The following DNAH11 variants were observed in gnomAD, a reference collection of about 807,000 sequenced individuals.
DNAH11 encodes dynein axonemal heavy chain 11.
DNAH11 carries 442 observed loss-of-function variants against 526.0 expected under a neutral mutation model. The ratio of observed to expected loss-of-function variants is 0.84; its 90% CI spans 0.78 to 0.91. The LOEUF (loss-of-function observed/expected upper bound fraction) is 0.91. DNAH11 is among the 40% of genes least tolerant of loss of function. DNAH11 has a pLI of 0.00. For missense variants in DNAH11, 6,989 were observed against 5,448.7 expected (o/e 1.28, Z -8.90); for synonymous variants, 2,461 against 1,935.9 (o/e 1.27, Z -7.12).
chr7:21,887,988 TGACTC>T (rs1185690780), intron 76 of DNAH11, among the ~76,000 whole-genome samples: 1 of 152,062 alleles, frequency 6.6e-6, no homozygotes, highest in Non-Finnish European at 1.5e-5. Flanking sequence ...ACCAAAACAA[TGACTC>T]GTATTTGTAT....
At chr7:21,895,379 C>T (rs908505952) in intron 79 of DNAH11, among the ~76,000 whole-genome samples, 1 of 152,174 alleles carries the variant, frequency 6.6e-6, no homozygotes, top group Non-Finnish European at 1.5e-5. Context: ...TATAACTTTA[C>T]TTTGCAAGCC....
intron 81 of DNAH11, among the ~76,000 whole-genome samples, chr7:21,900,441 C>G (rs1196471792): frequency 9.7e-6 from 1 of 102,724 alleles, no homozygotes; most frequent in African/African-American, 3.0e-5. Context: ...AATCTTTCTT[C>G]TATTGTTTAA....
intron 36 of DNAH11, among the ~76,000 whole-genome samples, chr7:21,701,410 C>T (rs969650358): frequency 2.5e-4 from 38 of 152,102 alleles, no homozygotes; most frequent in South Asian, 8.3e-4. Flanking sequence ...CCATCTCAGC[C>T]TCCTAAGTAA....
In DNAH11 at chr7:21,588,776, G is replaced by A. The variant is rs550700738; in HGVS notation, c.1973+140G>A. 8.6e-6 allele frequency: 8 copies of A among 927,916 alleles called. No homozygotes were observed. In the South Asian group the frequency reaches 1.3e-4, roughly 15 times the overall value. 57.5% of individuals were successfully genotyped at this position (927,916 alleles called of 1,614,324 possible). A position where few individuals can be genotyped will look rare whatever the true frequency, so the allele number is the denominator to read the frequency against. On this transcript the variant is annotated intron_variant, in intron 11 of 81. Transcript: ENST00000409508. ...TCTCACTGGTTGGGTTTGTGGAGAG[G>A]GATTCATTCCCATGGTTTTGGAATA... is the stretch of plus-strand genomic sequence containing the variant.
intron 31 of DNAH11, among the ~76,000 whole-genome samples, chr7:21,682,142 C>T (rs985149940): frequency 2.0e-5 from 3 of 152,130 alleles, no homozygotes; most frequent in Non-Finnish European, 4.4e-5. Flanking sequence ...TTGGGTAATC[C>T]TTTGTCTCTT....
chr7:21,895,151 A>C (rs528942688), intron 79 of DNAH11, among the ~76,000 whole-genome samples, 152 bp downstream of exon 79: 18 of 152,328 alleles, frequency 1.2e-4, no homozygotes, highest in African/African-American at 4.3e-4. Context: ...ATTTCATTTG[A>C]GTTTACTTGG....
chr7:21,867,556 G>A (rs1306070526), intron 71 of DNAH11, among the ~76,000 whole-genome samples: 1 of 152,190 alleles, frequency 6.6e-6, no homozygotes, highest in East Asian at 1.9e-4. Context: ...GGGGGAATCT[G>A]GCAGGGGATT....
Position 21,669,000 on chromosome 7 carries a change from T to C in DNAH11, c.5328+9969T>C, listed in dbSNP as rs541838461. Among the ~76,000 whole-genome samples the C allele has an allele frequency of 3.9e-5, 6 of 152,220 alleles. 1 individual carries two copies. Among genetic ancestry groups the C allele is most frequent in the Admixed American group, 2.0e-4 (3 of 15,272 alleles). On this transcript the variant is annotated intron_variant, in intron 30 of 81. Transcript: ENST00000409508. ...GCTCATATTTGTATTGTCAGTCTTA[T>C]AATTGCAGCCATTTCAGTGGATATA...
At chr7:21,577,353 G>C (rs1340497391) in intron 8 of DNAH11, among the ~76,000 whole-genome samples, 1 of 152,176 alleles carries the variant, frequency 6.6e-6, no homozygotes, top group African/African-American at 2.4e-5. Context: ...GTCTGAAAAT[G>C]CTCCAACTCC....
At chr7:21,728,561 C>A (rs1785240766) in intron 45 of DNAH11, among the ~76,000 whole-genome samples, 1 of 151,952 alleles carries the variant, frequency 6.6e-6, no homozygotes, top group Admixed American at 6.6e-5. Context: ...GCCCGGCCTA[C>A]CAACAGCCCA....
At chr7:21,757,906 A>G (rs1786708710) in intron 54 of DNAH11, among the ~76,000 whole-genome samples, 1 of 152,244 alleles carries the variant, frequency 6.6e-6, no homozygotes, top group Non-Finnish European at 1.5e-5. Context: ...TGGCCAGTGG[A>G]AAATCAGATA....
At chr7:21,750,466 C>G in intron 54 of DNAH11, 102 bp downstream of exon 54, 1 of 1,453,506 alleles carries the variant, frequency 6.9e-7, no homozygotes. Flanking sequence ...TTCAGTCATG[C>G]ATTTTGAAAG....
chr7:21,756,531 A>G (rs1177512363), intron 54 of DNAH11, among the ~76,000 whole-genome samples: 1 of 151,862 alleles, frequency 6.6e-6, no homozygotes, highest in East Asian at 1.9e-4. Flanking sequence ...TGGATTAACT[A>G]TGAAATCAGT....
At chr7:21,862,849 G>C (rs980734662) in intron 69 of DNAH11, among the ~76,000 whole-genome samples, 3 of 152,184 alleles carry the variant, frequency 2.0e-5, no homozygotes, top group African/African-American at 7.2e-5. Flanking sequence ...AGGATCACCA[G>C]GTCAGGAGAT....
At chr7:21,576,066 C>G (rs937633596) in intron 8 of DNAH11, among the ~76,000 whole-genome samples, 3 of 152,184 alleles carry the variant, frequency 2.0e-5, no homozygotes, top group Non-Finnish European at 4.4e-5. Context: ...GGCCGTTATA[C>G]AGTAGCATGG....
intron 25 of DNAH11, among the ~76,000 whole-genome samples, chr7:21,624,412 C>T (rs1786234916): frequency 6.6e-6 from 1 of 151,974 alleles, no homozygotes; most frequent in Non-Finnish European, 1.5e-5. Flanking sequence ...TGGTTTTGTA[C>T]CTTACAAGTT....
intron 75 of DNAH11, among the ~76,000 whole-genome samples, chr7:21,883,521 C>G (rs947287577): frequency 1.3e-5 from 2 of 152,226 alleles, no homozygotes; most frequent in Admixed American, 6.5e-5. Context: ...TTTGCCTGGA[C>G]TTTTGGAAAA....
intron 25 of DNAH11, among the ~76,000 whole-genome samples, chr7:21,625,819 G>T (rs1583541004): frequency 6.6e-6 from 1 of 152,102 alleles, no homozygotes; most frequent in Middle Eastern, 3.4e-3. Flanking sequence ...AATTCCTCCT[G>T]TTATTGATTT....
chr7:21,589,130 A>G, intron 11 of DNAH11, 78 bp from the exon 12 acceptor site: 1 of 1,091,036 alleles, frequency 9.2e-7, no homozygotes, highest in South Asian at 1.9e-5. Context: ...TATTTTATAT[A>G]TTGTATTACT....
Sources: allele counts gnomAD v4.1 joint callset (sites outside exome capture counted in the v4.1 genomes callset), GRCh38; gene constraint gnomAD v4.1.1; transcripts MANE v1.5; gene names NCBI Gene and HGNC (gene_info 2026-07-23, HGNC 2026-07-21).